The following CACNA1S variants were observed in gnomAD, a reference collection of about 807,000 sequenced individuals.
CACNA1S encodes voltage-dependent L-type calcium channel subunit alpha-1S.
CACNA1S carries 126 observed loss-of-function variants against 207.4 expected under a neutral mutation model. The ratio of observed to expected loss-of-function variants is 0.61; its 90% confidence interval spans 0.53 to 0.70. The LOEUF is 0.70. Ranked by LOEUF, CACNA1S falls within the 30% of genes least tolerant of loss-of-function variation. The pLI, the probability that CACNA1S is intolerant of heterozygous loss-of-function variation, is 0.00. For synonymous variants in CACNA1S, 960 were observed against 932.7 expected, an observed-to-expected ratio of 1.03 and a Z score of -0.53; for missense variants, 2,349 against 2,422.8, an observed-to-expected ratio of 0.97 and a Z score of 0.64.
Position 201,059,223 on chromosome 1 carries a change from T to C in CACNA1S, c.3491A>G (p.Glu1164Gly). ...NVAFTIIFTLEMILKLMAFKA... is the reference protein window; with the variant it reads ...NVAFTIIFTLGMILKLMAFKA... ...GAAGGCCATGAGCTTGAGGATCATCTCCAGGGTGAAGATGATAGTGAAGGC... is the reference window on the plus strand; with the variant it reads ...GAAGGCCATGAGCTTGAGGATCATCCCCAGGGTGAAGATGATAGTGAAGGC... The change falls in exon 27 of 44, where the codon GAG becomes GGG. Residue 1164 changes from glutamate to glycine, a missense_variant. Transcript: ENST00000362061. 6.2e-7 allele frequency: 1 copy of C among 1,613,940 alleles called. No individual in the cohort carries two copies. Among genetic ancestry groups the C allele is most frequent in the Non-Finnish European group, 8.5e-7 (1 of 1,179,826 alleles).
At chr1:201,100,623 C>G (rs1662616993) in intron 2 of CACNA1S, among the ~76,000 whole-genome samples, 1 of 152,192 alleles carries the variant, frequency 6.6e-6, no homozygotes, top group African/African-American at 2.4e-5. Flanking sequence ...TCCCTCAGGT[C>G]TGGGTGGGCC....
At chr1:201,093,364 C>T (rs139355332) in intron 3 of CACNA1S, among the ~76,000 whole-genome samples, 1 of 152,336 alleles carries the variant, frequency 6.6e-6, no homozygotes, top group East Asian at 1.9e-4. Context: ...CTGCCAGCAT[C>T]TTGACCTTGA....
In CACNA1S at chr1:201,087,817, A is replaced by C; in HGVS notation, c.1004+9T>G. ...TCTTTTCTCCCCTGGCTACCTTTGA[A>C]TTTCTTACCCACTCAGGACACCCAG... On this transcript the variant is annotated intron_variant, in intron 7 of 43. Coordinates refer to ENST00000362061, the MANE Select transcript of CACNA1S (RefSeq NM_000069.3). 6.3e-7 allele frequency: 1 copy of C among 1,589,444 alleles called. No homozygotes were observed. The highest frequency in any genetic ancestry group is 8.6e-7 in the Non-Finnish European group (1 of 1,159,824).
At chr1:201,073,776 A>C in intron 14 of CACNA1S, 134 bp from the exon 15 acceptor site, 3 of 800,168 alleles carry the variant, frequency 3.7e-6, no homozygotes, top group East Asian at 2.4e-5. Flanking sequence ...CAGCCCCCAA[A>C]TGGGAAGGGC....
intron 9 of CACNA1S, among the ~76,000 whole-genome samples, chr1:201,083,576 G>T (rs1202361570): frequency 6.6e-6 from 1 of 152,178 alleles, no homozygotes; most frequent in African/African-American, 2.4e-5. Flanking sequence ...TAGCACAAGT[G>T]CCTGGCAAGG....
intron 43 of CACNA1S, 35 bp downstream of exon 43, chr1:201,040,196 A>G: frequency 1.2e-6 from 2 of 1,612,606 alleles, no homozygotes; most frequent in East Asian, 2.2e-5. Flanking sequence ...CCACCACTCA[A>G]TGCAGCCACT....
intron 2 of CACNA1S, among the ~76,000 whole-genome samples, chr1:201,107,634 G>A (rs1662945229): frequency 6.6e-6 from 1 of 152,194 alleles, no homozygotes; most frequent in Admixed American, 6.5e-5. Context: ...GGTTATTCTG[G>A]ATGACTGGAA....
At chr1:201,043,217 T>C (rs1330208431) in intron 40 of CACNA1S, 64 bp downstream of exon 40, 8 of 1,610,736 alleles carry the variant, frequency 5.0e-6, no homozygotes, top group Admixed American at 1.7e-5. Flanking sequence ...CAATCCAACC[T>C]GGAACCTGCT....
intron 10 of CACNA1S, among the ~76,000 whole-genome samples, chr1:201,078,421 A>T (rs893075523): frequency 1.2e-4 from 18 of 150,576 alleles, no homozygotes; most frequent in Non-Finnish European, 2.2e-4. Flanking sequence ...GCTGGTCTTG[A>T]ACTCCTGGGC....
At chr1:201,078,311 T>G (rs1055153976) in intron 10 of CACNA1S, among the ~76,000 whole-genome samples, 2 of 151,986 alleles carry the variant, frequency 1.3e-5, no homozygotes, top group Admixed American at 6.6e-5. Context: ...AGCCTCGACT[T>G]CCCAGGATCA....
intron 2 of CACNA1S, among the ~76,000 whole-genome samples, chr1:201,098,997 C>T (rs747417192): frequency 9.2e-5 from 14 of 152,200 alleles, no homozygotes; most frequent in Non-Finnish European, 1.5e-4. Flanking sequence ...GAGCCAGGTA[C>T]TTCCAGAGTC....
intron 28 of CACNA1S, among the ~76,000 whole-genome samples, chr1:201,056,784 G>C (rs1660861616): frequency 6.6e-6 from 1 of 152,152 alleles, no homozygotes; most frequent in Non-Finnish European, 1.5e-5. Context: ...TCTCTGGCTG[G>C]AACTGCCTCC....
At chr1:201,049,698 C>G (rs1045301837) in intron 34 of CACNA1S, among the ~76,000 whole-genome samples, 9 of 152,212 alleles carry the variant, frequency 5.9e-5, no homozygotes, top group African/African-American at 2.2e-4. Context: ...CATTCCCCGC[C>G]TGTCTCCAGA....
chr1:201,054,411 A>AC lies in CACNA1S; in HGVS notation c.3666+93dup. On this transcript the variant is annotated intron_variant, in intron 29 of 43. Coordinates refer to ENST00000362061, the MANE Select transcript of CACNA1S (RefSeq NM_000069.3). ...GGGAGGGAGCCCTGAGTGCTGATCC[A>AC]CCCCATGCAATCCACGCAGCCAGGC... 2.3e-6 allele frequency: 3 copies of AC among 1,308,562 alleles called. No individual in the cohort carries two copies. The South Asian group carries it at 3.6e-5, about 16-fold the overall frequency. 81.1% of individuals were successfully genotyped at this position (1,308,562 alleles called of 1,614,324 possible). A position where few individuals can be genotyped will look rare whatever the true frequency, so the allele number is the denominator to read the frequency against.
intron 39 of CACNA1S, among the ~76,000 whole-genome samples, 164 bp from the exon 40 acceptor site, chr1:201,043,695 C>T (rs1003629523): frequency 6.6e-6 from 1 of 152,030 alleles, no homozygotes; most frequent in Non-Finnish European, 1.5e-5. Flanking sequence ...GAAGAAAATT[C>T]CCACCCTTAG....
intron 2 of CACNA1S, among the ~76,000 whole-genome samples, chr1:201,094,390 A>G (rs1003256858): frequency 2.6e-5 from 4 of 152,126 alleles, no homozygotes; most frequent in Non-Finnish European, 4.4e-5. Context: ...CTTGTTCATT[A>G]TCTATCTTCT....
chr1:201,050,517 C>T lies in CACNA1S; in HGVS notation c.4114-1G>A. 2 of 1,613,996 alleles carry T rather than the reference C, an allele frequency of 1.2e-6. No individual in the cohort carries two copies. The highest frequency in any genetic ancestry group is 8.5e-7 in the Non-Finnish European group (1 of 1,179,960). ...TGACAGCCACAAAGAGGTTGATGACCTGCAAGAGAAGAACCAAGGGGTCCC... is the reference window on the plus strand; with the variant it reads ...TGACAGCCACAAAGAGGTTGATGACTTGCAAGAGAAGAACCAAGGGGTCCC... On this transcript the variant is annotated splice_acceptor_variant, in intron 33 of 43. Transcript: ENST00000362061. LOFTEE classifies it high-confidence loss of function.
At chr1:201,064,978 T>C (rs1053157645) in intron 22 of CACNA1S, among the ~76,000 whole-genome samples, 9 of 152,086 alleles carry the variant, frequency 5.9e-5, no homozygotes, top group African/African-American at 1.7e-4. Flanking sequence ...ATAGGGCGTA[T>C]GCTTGGCACA....
chr1:201,105,516 C>T (rs144570832), intron 2 of CACNA1S, among the ~76,000 whole-genome samples: 1 of 152,208 alleles, frequency 6.6e-6, no homozygotes, highest in Admixed American at 6.5e-5. Context: ...GCTCCAGAAC[C>T]CATTTTTATA....
Sources: allele counts gnomAD v4.1 joint callset (sites outside exome capture counted in the v4.1 genomes callset), GRCh38; gene constraint gnomAD v4.1.1; transcripts MANE v1.5; gene names NCBI Gene and HGNC (gene_info 2026-07-23, HGNC 2026-07-21).